The following VPS13A variants were observed in gnomAD, a reference collection of about 807,000 sequenced individuals.
VPS13A encodes the protein intermembrane lipid transfer protein VPS13A.
Under a neutral mutation model 390.9 loss-of-function variants are expected in VPS13A, and 264 were observed. That is an observed-to-expected ratio of 0.68 (90% CI 0.61 to 0.75). The LOEUF (loss-of-function observed/expected upper bound fraction) is 0.75. Ranked by LOEUF, VPS13A falls within the 30% of genes least tolerant of loss-of-function variation. The probability of loss-of-function intolerance (pLI) is 0.00; values close to 1 mark genes in which losing one functional copy is unlikely to be tolerated. For missense variants in VPS13A, 3,409 were observed against 3,733.9 expected (o/e 0.91, Z 2.27); for synonymous variants, 1,231 against 1,227.1 (o/e 1.00, Z -0.07).
chr9:77,407,314 A>C (rs1022381972), intron 70 of VPS13A, among the ~76,000 whole-genome samples: 1 of 152,182 alleles, frequency 6.6e-6, no homozygotes, highest in Non-Finnish European at 1.5e-5. Flanking sequence ...TAAGCTTTTT[A>C]ACTTAGGTTT....
chr9:77,341,757 A>C (rs72746020), intron 50 of VPS13A, among the ~76,000 whole-genome samples: 1 of 119,920 alleles, frequency 8.3e-6, no homozygotes, highest in African/African-American at 3.3e-5. Flanking sequence ...TAAGTCTTCA[A>C]CTGAGTATTT....
chr9:77,366,911 T>C (rs778572271), intron 61 of VPS13A, 39 bp downstream of exon 61: 14 of 1,599,700 alleles, frequency 8.8e-6, no homozygotes, highest in Non-Finnish European at 1.2e-5. Context: ...GATGGAAATA[T>C]TTCTATTTTA....
intron 33 of VPS13A, among the ~76,000 whole-genome samples, chr9:77,302,283 T>C (rs1828416226): frequency 6.6e-6 from 1 of 151,778 alleles, no homozygotes; most frequent in African/African-American, 2.4e-5. Context: ...CTTATTTTAA[T>C]GGTTTACTAT....
At chr9:77,337,168 T>A in intron 46 of VPS13A, 87 bp from the exon 47 acceptor site, 1 of 1,239,558 alleles carries the variant, frequency 8.1e-7, no homozygotes, top group South Asian at 1.4e-5. Flanking sequence ...TGAAAGGAGG[T>A]AAGTTTGTTA....
At chr9:77,282,687 C>G (rs1827109173) in intron 29 of VPS13A, among the ~76,000 whole-genome samples, 1 of 151,968 alleles carries the variant, frequency 6.6e-6, no homozygotes, top group Non-Finnish European at 1.5e-5. Flanking sequence ...ATCCCAGTGA[C>G]CCAGGGAGGT....
chr9:77,254,545 A>G (rs1825335476), intron 22 of VPS13A, among the ~76,000 whole-genome samples: 2 of 152,154 alleles, frequency 1.3e-5, no homozygotes, highest in African/African-American at 4.8e-5. Context: ...GAATCTTAGC[A>G]TGTTTTCTTT....
At chr9:77,299,111 G>T (rs1233448815) in intron 33 of VPS13A, among the ~76,000 whole-genome samples, 2 of 152,094 alleles carry the variant, frequency 1.3e-5, no homozygotes, top group Non-Finnish European at 2.9e-5. Flanking sequence ...CTTTTCCATT[G>T]GTCTATATAT....
At chr9:77,351,180 A>C (rs1301136689) in intron 52 of VPS13A, 137 bp from the exon 53 acceptor site, 1 of 1,143,254 alleles carries the variant, frequency 8.7e-7, no homozygotes, top group Non-Finnish European at 1.3e-6. Context: ...GTATAAGGTA[A>C]GAATTTCAGC....
chr9:77,365,936 T>C (rs1342592414), intron 60 of VPS13A, among the ~76,000 whole-genome samples: 3 of 152,104 alleles, frequency 2.0e-5, no homozygotes, highest in Non-Finnish European at 2.9e-5. Flanking sequence ...AAGTTAGTTT[T>C]TAGTGCAAAA....
chr9:77,210,160 C>CCCCT (rs368298288), intron 6 of VPS13A, among the ~76,000 whole-genome samples: 1 of 107,514 alleles, frequency 9.3e-6, no homozygotes, highest in Admixed American at 1.1e-4. Context: ...CCCCCACCTC[C>CCCCT]CTCTCTCTCT....
intron 27 of VPS13A, among the ~76,000 whole-genome samples, chr9:77,280,571 C>G (rs1463476864): frequency 6.6e-6 from 1 of 151,896 alleles, no homozygotes; most frequent in East Asian, 1.9e-4. Flanking sequence ...GATGCTTTCA[C>G]TTTCTTTTCC....
chr9:77,202,055 TATAG>T (rs1195622869), intron 3 of VPS13A, among the ~76,000 whole-genome samples: 2 of 152,158 alleles, frequency 1.3e-5, no homozygotes, highest in Non-Finnish European at 2.9e-5. Flanking sequence ...ATTTTTGTTA[TATAG>T]ATAGTTTTGT....
chr9:77,289,140 C>T (rs1480952312), intron 31 of VPS13A, among the ~76,000 whole-genome samples: 3 of 152,056 alleles, frequency 2.0e-5, no homozygotes, highest in East Asian at 3.9e-4. Flanking sequence ...CTGTGTTGCC[C>T]AGGGTGGTCT....
At chr9:77,394,661 C>T (rs546381379) in intron 68 of VPS13A, among the ~76,000 whole-genome samples, 49 of 152,340 alleles carry the variant, frequency 3.2e-4, no homozygotes, top group African/African-American at 1.2e-3. Flanking sequence ...TAGCATCTTT[C>T]AATAGAAGTC....
At chr9:77,279,016 C>T (rs1826858474) in intron 26 of VPS13A, among the ~76,000 whole-genome samples, 1 of 152,122 alleles carries the variant, frequency 6.6e-6, no homozygotes. Flanking sequence ...TGTCTACAAC[C>T]CCTGAAGCCC....
intron 27 of VPS13A, among the ~76,000 whole-genome samples, chr9:77,281,382 C>G (rs936965824): frequency 2.0e-5 from 3 of 152,022 alleles, no homozygotes; most frequent in African/African-American, 7.2e-5. Flanking sequence ...GTACATATAT[C>G]AAAACATCAC....
intron 45 of VPS13A, among the ~76,000 whole-genome samples, chr9:77,325,524 A>G (rs1455964624): frequency 8.0e-6 from 1 of 124,336 alleles, no homozygotes; most frequent in African/African-American, 3.1e-5. Flanking sequence ...TTTTTTTTCT[A>G]TTTGTCTCAT....
intron 42 of VPS13A, among the ~76,000 whole-genome samples, chr9:77,320,932 C>T (rs1829708096): frequency 6.6e-6 from 1 of 151,996 alleles, no homozygotes; most frequent in Non-Finnish European, 1.5e-5. Flanking sequence ...ATTTTTCCTT[C>T]TAAATTGTGT....
chr9:77,204,595 A>T (rs1430166396), intron 3 of VPS13A, among the ~76,000 whole-genome samples: 1 of 152,184 alleles, frequency 6.6e-6, no homozygotes, highest in Non-Finnish European at 1.5e-5. Context: ...AATGAAAAAT[A>T]TACATACACA....
Sources: allele counts gnomAD v4.1 joint callset (sites outside exome capture counted in the v4.1 genomes callset), GRCh38; gene constraint gnomAD v4.1.1; transcripts MANE v1.5; gene names NCBI Gene and HGNC (gene_info 2026-07-23, HGNC 2026-07-21).